Variants in GRM1 observed in about 807,000 individuals in gnomAD.
GRM1 encodes the protein metabotropic glutamate receptor 1.
Under a neutral mutation model 90.9 loss-of-function variants are expected in GRM1, and 33 were observed. The observed-to-expected ratio is 0.36, with a 90% CI of 0.28 to 0.49. GRM1 has a LOEUF of 0.49. Ranked by LOEUF, GRM1 falls within the 20% of genes least tolerant of loss-of-function variation. GRM1 has a pLI of 0.99. For synonymous variants in GRM1, 700 were observed against 613.2 expected, an observed-to-expected ratio of 1.14 and a Z score of -2.09; for missense variants, 1,190 against 1,534.3, an observed-to-expected ratio of 0.78 and a Z score of 3.75.
intron 1 of GRM1, among the ~76,000 whole-genome samples, chr6:146,105,292 A>G (rs1397234984): frequency 6.6e-6 from 1 of 152,202 alleles, no homozygotes; most frequent in African/African-American, 2.4e-5. Context: ...GGGAAATAGA[A>G]AAAGATAATG....
At chr6:146,258,709 C>T (rs1056439162) in intron 2 of GRM1, among the ~76,000 whole-genome samples, 6 of 151,946 alleles carry the variant, frequency 3.9e-5, no homozygotes, top group African/African-American at 9.7e-5. Flanking sequence ...GACTTACCTG[C>T]CAGAGGGTTT....
intron 1 of GRM1, among the ~76,000 whole-genome samples, chr6:146,066,253 A>G (rs1775843685): frequency 6.6e-6 from 1 of 152,056 alleles, no homozygotes; most frequent in Non-Finnish European, 1.5e-5. Context: ...CCCAGTGTCT[A>G]TTATTCCCAT....
At position 146,351,299 on chromosome 6, in the gene GRM1, G is replaced by A. The variant is rs561626369; in HGVS notation, c.1187-951G>A. Among the ~76,000 whole-genome samples the A allele has an allele frequency of 2.0e-5, 3 of 152,312 alleles. No homozygotes were observed. In the East Asian group the frequency reaches 5.8e-4, roughly 29 times the overall value. On this transcript the variant is annotated intron_variant, in intron 3 of 7. Coordinates refer to ENST00000282753, the MANE Select transcript of GRM1 (RefSeq NM_001278064.2). ...ATCGACCCCCTACTATCAGTCAAAT[G>A]AGGGAGGAAATGCTCACTGCAGAGA...
intron 1 of GRM1, among the ~76,000 whole-genome samples, chr6:146,069,031 A>G (rs1344144567): frequency 1.3e-5 from 2 of 152,230 alleles, no homozygotes; most frequent in Admixed American, 1.3e-4. Flanking sequence ...CTAAATTCCT[A>G]AATATCTGAA....
intron 2 of GRM1, among the ~76,000 whole-genome samples, chr6:146,272,228 A>G (rs2114828273): frequency 6.6e-6 from 1 of 152,366 alleles, no homozygotes; most frequent in South Asian, 2.1e-4. Context: ...GATTCTTTTG[A>G]GCTCATCATT....
intron 3 of GRM1, among the ~76,000 whole-genome samples, chr6:146,323,619 T>G (rs557643708): frequency 0.011 from 1,682 of 152,248 alleles, 13 homozygotes; most frequent in South Asian, 0.022. Context: ...GTCAATTTTG[T>G]CTTTTGTTGC....
At chr6:146,422,861 T>TC (rs1279301856) in intron 7 of GRM1, among the ~76,000 whole-genome samples, 2 of 150,384 alleles carry the variant, frequency 1.3e-5, no homozygotes, top group Non-Finnish European at 3.0e-5. Flanking sequence ...TTACGCAGAA[T>TC]CCATCAGTGT....
At chr6:146,168,276 T>A (rs1167476135) in intron 2 of GRM1, among the ~76,000 whole-genome samples, 1 of 152,022 alleles carries the variant, frequency 6.6e-6, no homozygotes, top group African/African-American at 2.4e-5. Context: ...GAATAGTTGA[T>A]CTAGGGTTTA....
At chr6:146,187,372 T>C (rs1427357980) in intron 2 of GRM1, among the ~76,000 whole-genome samples, 4 of 152,054 alleles carry the variant, frequency 2.6e-5, no homozygotes, top group African/African-American at 7.2e-5. Flanking sequence ...AGACAGAAGG[T>C]GTTTTGTTTT....
Position 146,334,922 on chromosome 6 carries a change from G to A in GRM1, c.1187-17328G>A, listed in dbSNP as rs186613379. 1.8e-4 allele frequency among the ~76,000 whole-genome samples: 28 copies of A among 152,126 alleles called. No individual in the cohort carries two copies. The East Asian group carries it at 2.3e-3, about 13-fold the overall frequency. On this transcript the variant is annotated intron_variant, in intron 3 of 7. Transcript: ENST00000282753. ...TCTTGGTGATATATGATGAGACTTC[G>A]TACTCATGTGGATTCCTGTGTAAAG...
At chr6:146,115,649 T>C (rs1015408764) in intron 1 of GRM1, among the ~76,000 whole-genome samples, 3 of 152,168 alleles carry the variant, frequency 2.0e-5, no homozygotes, top group African/African-American at 7.2e-5. Context: ...AGGTCTGGCA[T>C]ATTTTTGGTG....
chr6:146,098,343 A>T (rs1776940074), intron 1 of GRM1, among the ~76,000 whole-genome samples: 1 of 152,156 alleles, frequency 6.6e-6, no homozygotes, highest in South Asian at 2.1e-4. Context: ...TCTATAGAGA[A>T]TTTACATAAA....
chr6:146,381,102 G>A (rs1324591125), intron 5 of GRM1, among the ~76,000 whole-genome samples: 1 of 152,164 alleles, frequency 6.6e-6, no homozygotes, highest in East Asian at 1.9e-4. Flanking sequence ...GAGGTGTGAT[G>A]CCAGCGTTCC....
intron 5 of GRM1, among the ~76,000 whole-genome samples, chr6:146,370,951 A>G (rs984790533): frequency 1.3e-5 from 2 of 152,102 alleles, no homozygotes; most frequent in Non-Finnish European, 2.9e-5. Flanking sequence ...TGTCGGTGAT[A>G]AATTACAATG....
At chr6:146,180,920 C>G (rs1203900771) in intron 2 of GRM1, among the ~76,000 whole-genome samples, 1 of 152,114 alleles carries the variant, frequency 6.6e-6, no homozygotes, top group African/African-American at 2.4e-5. Context: ...CTGGTTAGCT[C>G]TAGGTATAAT....
chr6:146,424,906 T>C (rs573677753), intron 7 of GRM1, among the ~76,000 whole-genome samples: 21 of 152,352 alleles, frequency 1.4e-4, no homozygotes, highest in African/African-American at 5.0e-4. Context: ...TTATTCCTGA[T>C]CATCTCCTTG....
chr6:146,292,930 C>T (rs948013778), intron 2 of GRM1, among the ~76,000 whole-genome samples: 9 of 151,988 alleles, frequency 5.9e-5, no homozygotes, highest in Non-Finnish European at 1.2e-4. Context: ...TAATACTATA[C>T]ATCCGTACAA....
chr6:146,312,588 A>G (rs1251131290), intron 3 of GRM1, among the ~76,000 whole-genome samples: 1 of 152,164 alleles, frequency 6.6e-6, no homozygotes, highest in Non-Finnish European at 1.5e-5. Context: ...CATTTTCTGT[A>G]ATTAGTGACT....
chr6:146,283,073 G>C (rs1034362542), intron 2 of GRM1, among the ~76,000 whole-genome samples: 3 of 152,112 alleles, frequency 2.0e-5, no homozygotes, highest in African/African-American at 7.2e-5. Context: ...CCCTGAAATA[G>C]ATGCTGCTCT....
Sources: allele counts gnomAD v4.1 joint callset (sites outside exome capture counted in the v4.1 genomes callset), GRCh38; gene constraint gnomAD v4.1.1; transcripts MANE v1.5; gene names NCBI Gene and HGNC (gene_info 2026-07-23, HGNC 2026-07-21).